NARF: variants seen among roughly 807,000 people sequenced by gnomAD.
NARF encodes iron-only hydrogenase-like protein 2.
In NARF, 41 loss-of-function variants were observed where a neutral mutation model predicts 48.0. The observed-to-expected ratio is 0.85, with a 90% CI of 0.66 to 1.11. NARF has a LOEUF of 1.11. Among genes scored for constraint, NARF ranks in the 50% least tolerant of loss-of-function variants. The pLI, the probability that NARF is intolerant of heterozygous loss-of-function variation, is 0.00. For missense variants in NARF, 613 were observed against 590.2 expected (o/e 1.04, Z -0.40); for synonymous variants, 215 against 225.5 (o/e 0.95, Z 0.42).
Position 82,458,811 on chromosome 17 carries a change from G to T in NARF, c.8G>T (p.Cys3Phe). The T allele has an allele frequency of 6.9e-7, 1 of 1,443,078 alleles. No individual in the cohort carries two copies. 89.4% of individuals were successfully genotyped at this position (1,443,078 alleles called of 1,614,324 possible). Residue 3 changes from cysteine (C) to phenylalanine (F), a missense_variant, in exon 1 of 11, where the codon TGT becomes TTT. By Grantham distance (205) the Cys-to-Phe change is radical. Coordinates refer to ENST00000309794, the MANE Select transcript of NARF (RefSeq NM_012336.4). ...CCGCCCGCCGCGCTCCAGATGAAGTGTGAGCACTGCACGCGCAAGGTGAGC... is the reference window on the plus strand; with the variant it reads ...CCGCCCGCCGCGCTCCAGATGAAGTTTGAGCACTGCACGCGCAAGGTGAGC... MK[C>F]EHCTRKECSK...
chr17:82,458,440 G>GGCCGCC (rs565978884), upstream of NARF: 63 of 237,124 alleles, frequency 2.7e-4, 1 homozygote, highest in South Asian at 6.2e-4. Flanking sequence ...AACGCCGCTT[G>GGCCGCC]GCCGCCGCCG....
rs1010751192 is a variant in NARF at position 82,458,933 on chromosome 17, C to T, written c.27+103C>T. The stretch of plus-strand genomic sequence containing the variant: ...GGCCCGCCGCTCGCTCGCTTCAGGG[C>T]TCTTCAAGGCGCCCCCGGCCTCGGC... On this transcript the variant is annotated intron_variant, in intron 1 of 10. Coordinates refer to ENST00000309794, the MANE Select transcript of NARF (RefSeq NM_012336.4). The T allele has an allele frequency of 2.3e-5, 29 of 1,236,326 alleles. No individual in the cohort carries two copies. In the Middle Eastern group the frequency reaches 9.2e-4, roughly 39 times the overall value. The allele number at this position is 1,236,326 out of a possible 1,614,324, so 76.6% of individuals were successfully genotyped here.
In NARF at chr17:82,468,870, G is replaced by T. The variant is rs1313270429; in HGVS notation, c.359G>T (p.Arg120Ile). Residue 120 changes from arginine to isoleucine, a missense_variant, in exon 4 of 11, where the codon AGA becomes ATA. Transcript: ENST00000309794. ...FNLSVTDASRRLCGFLKSLGV... is the reference protein window; with the variant it reads ...FNLSVTDASRILCGFLKSLGV... ...CTCAGTGTAACTGATGCATCCAGAA[G>T]ACTCTGTGGTTTCCTCAAAAGTCTT... 1 of 1,613,994 alleles carries T rather than the reference G, an allele frequency of 6.2e-7. No individual in the cohort carries two copies. The highest frequency in any genetic ancestry group is 1.1e-5 in the South Asian group (1 of 91,004).
chr17:82,484,421 A>G (rs2044047136), intron 8 of NARF: 1 of 167,768 alleles, frequency 6.0e-6, no homozygotes, highest in Non-Finnish European at 1.3e-5. Context: ...TAATCACAGT[A>G]CTTTGGGAGG....
Position 82,468,796 on chromosome 17 carries a change from A to G in NARF, c.285A>G (p.Val95=), listed in dbSNP as rs750235213. Residue 95 remains valine (V), a synonymous_variant, in exon 4 of 11, where the codon GTA becomes GTG. Transcript: ENST00000309794. ...KCDTSKHKVL[V]VSVCPQSLPY... is the part of the protein sequence containing the mutation. Reference sequence around the variant, plus strand: ...ATACCTCAAAGCACAAAGTGCTGGTAGTGTCTGTGTGTCCTCAATCTTTGC... The same window carrying G: ...ATACCTCAAAGCACAAAGTGCTGGTGGTGTCTGTGTGTCCTCAATCTTTGC... The G allele has an allele frequency of 6.2e-7, 1 of 1,614,092 alleles. No homozygotes were observed. The highest frequency in any genetic ancestry group is 1.1e-5 in the South Asian group (1 of 91,084).
chr17:82,485,547 T>TA lies in NARF; in HGVS notation c.1023dup (p.Arg342ThrfsTer19), dbSNP rs753796963. ...CTTGAGAAGAACGGAGAGGTGGTGT[T>TA]ACGCTTTGCTGCAGCCTATGGCTTT... On this transcript the variant is annotated frameshift_variant, in exon 10 of 11. Coordinates refer to ENST00000309794, the MANE Select transcript of NARF (RefSeq NM_012336.4). LOFTEE classifies it high-confidence loss of function. 20 of 1,614,126 alleles carry TA rather than the reference T, an allele frequency of 1.2e-5. No individual in the cohort carries two copies. The highest frequency in any genetic ancestry group is 8.8e-5 in the South Asian group (8 of 91,090).
In NARF at chr17:82,458,803, G is replaced by T; in HGVS notation, c.-1G>T. On this transcript the variant is annotated 5_prime_UTR_variant, in exon 1 of 11. Transcript: ENST00000309794. ...CCGGCCTCCCGCCCGCCGCGCTCCA[G>T]ATGAAGTGTGAGCACTGCACGCGCA... The T allele has an allele frequency of 6.9e-7, 1 of 1,459,016 alleles. No individual in the cohort carries two copies. The highest frequency in any genetic ancestry group is 9.0e-7 in the Non-Finnish European group (1 of 1,112,600). The allele number at this position is 1,459,016 out of a possible 1,614,324, so 90.4% of individuals were successfully genotyped here. A position where few individuals can be genotyped will look rare whatever the true frequency, so the allele number is the denominator to read the frequency against.
intron 5 of NARF, among the ~76,000 whole-genome samples, chr17:82,473,491 G>A (rs1420063861): frequency 1.3e-5 from 2 of 152,050 alleles, no homozygotes; most frequent in African/African-American, 4.8e-5. Flanking sequence ...TGGGACTACA[G>A]GCGCCTGCCA....
chr17:82,472,728 C>T, intron 5 of NARF, 30 bp downstream of exon 5: 2 of 1,594,460 alleles, frequency 1.3e-6, no homozygotes, highest in East Asian at 2.3e-5. Context: ...CTCTGTTGGC[C>T]TGAGGTGCCA....
At chr17:82,471,791 CAA>C (rs58302009) in intron 4 of NARF, among the ~76,000 whole-genome samples, 22 of 64,554 alleles carry the variant, frequency 3.4e-4, no homozygotes, top group African/African-American at 5.5e-4. Context: ...GACTCCGTCT[CAA>C]AAAAAAAAAA....
rs368365758 is a variant in NARF at position 82,484,843 on chromosome 17, G to C, written c.864G>C (p.Thr288=). 4 of 1,609,028 alleles carry C rather than the reference G, an allele frequency of 2.5e-6. No homozygotes were observed. The highest frequency in any genetic ancestry group is 1.1e-5 in the South Asian group (1 of 90,562). Residue 288 remains threonine, a synonymous_variant, in exon 9 of 11, where the codon ACG becomes ACC. Coordinates refer to ENST00000309794, the MANE Select transcript of NARF (RefSeq NM_012336.4). ...LFGDLKEDKV[T]RHDGASSDGH... ...GAGACTTGAAGGAGGACAAAGTGAC[G>C]CGTCATGATGGAGCCAGCTCAGACG...
At chr17:82,458,449 C>T, upstream of NARF, 1 of 254,246 alleles carries the variant, frequency 3.9e-6, no homozygotes. Context: ...TGGCCGCCGC[C>T]GCCGCCGCAG....
chr17:82,484,655 C>A, intron 8 of NARF, 158 bp from the exon 9 acceptor site: 1 of 873,624 alleles, frequency 1.1e-6, no homozygotes, highest in Non-Finnish European at 1.6e-6. Context: ...CCTCAAGATG[C>A]TAGAATGGGA....
chr17:82,473,141 A>G (rs2043753430), intron 5 of NARF, among the ~76,000 whole-genome samples: 1 of 151,924 alleles, frequency 6.6e-6, no homozygotes, highest in African/African-American at 2.4e-5. Context: ...GGGTTTTGCC[A>G]TATTGGCCAG....
intron 6 of NARF, 89 bp from the exon 7 acceptor site, chr17:82,480,993 C>T (rs985923077): frequency 7.9e-6 from 12 of 1,523,770 alleles, no homozygotes; most frequent in African/African-American, 1.4e-5. Flanking sequence ...AGGGGGCATT[C>T]GGTCTCCCAT....
chr17:82,464,051 T>C (rs974585168), intron 2 of NARF: 5 of 478,156 alleles, frequency 1.0e-5, no homozygotes, highest in Admixed American at 3.8e-5. Flanking sequence ...ACCCTTGTCA[T>C]CTGCATGGTT....
At chr17:82,480,545 G>A (rs930816895) in intron 6 of NARF, 2 of 405,068 alleles carry the variant, frequency 4.9e-6, no homozygotes, top group African/African-American at 2.1e-5. Context: ...CTGGTGCTCG[G>A]TAGAGTTGAA....
chr17:82,480,951 AG>A (rs2043949857), intron 6 of NARF, 130 bp from the exon 7 acceptor site: 41 of 755,524 alleles, frequency 5.4e-5, no homozygotes, highest in African/African-American at 1.1e-4. Context: ...AAAAAAAAAG[AG>A]TGCAGCATGC....
intron 5 of NARF, chr17:82,477,854 G>A (rs2043870054): frequency 6.6e-6 from 1 of 152,216 alleles, no homozygotes; most frequent in African/African-American, 2.4e-5. Context: ...TGTCTCTGTG[G>A]GTGTTTCCTG....
Sources: allele counts gnomAD v4.1 joint callset (sites outside exome capture counted in the v4.1 genomes callset), GRCh38; gene constraint gnomAD v4.1.1; transcripts MANE v1.5; gene names NCBI Gene and HGNC (gene_info 2026-07-23, HGNC 2026-07-21).